Variants in LYRM4 observed in about 807,000 individuals in gnomAD.
LYRM4 encodes the protein LYR motif containing 4, also known as LYR motif-containing protein 4.
Under a neutral mutation model 11.7 loss-of-function variants are expected in LYRM4, and 9 were observed. The observed-to-expected ratio is 0.77, with a 90% CI of 0.46 to 1.34. LYRM4 has a LOEUF of 1.34. LYRM4 is among the 40% of genes most tolerant of loss of function. The pLI is 0.00. For synonymous variants in LYRM4, 42 were observed against 40.4 expected (o/e 1.04, Z -0.15); for missense variants, 133 against 112.5 (o/e 1.18, Z -0.82).
At chr6:5,072,588 T>C in the LYRM4 span, among the ~76,000 whole-genome samples, 47 of 151,810 alleles carry the variant, frequency 3.1e-4, 1 homozygote, top group Admixed American at 2.4e-3. Flanking sequence ...TTTTTTTTTT[T>C]TTTTTTTAAG....
intron 2 of LYRM4, chr6:5,138,692 G>A (rs1292033251): frequency 2.0e-6 from 3 of 1,523,388 alleles, no homozygotes; most frequent in East Asian, 2.5e-5. Flanking sequence ...ATATCAAGAT[G>A]CAATAGAAAA....
intron 2 of LYRM4, among the ~76,000 whole-genome samples, chr6:5,214,525 G>A (rs1448630010): frequency 3.3e-5 from 5 of 152,214 alleles, no homozygotes; most frequent in Admixed American, 3.3e-4. Flanking sequence ...TTTTGAAAAA[G>A]ATCACTGTGG....
the LYRM4 span, chr6:5,085,887 C>G: frequency 1.3e-6 from 2 of 1,531,300 alleles, no homozygotes; most frequent in Non-Finnish European, 8.7e-7. Context: ...GGGTGCAGTT[C>G]GCGGACACGC....
At chr6:5,242,355 A>G (rs1395160154) in intron 1 of LYRM4, among the ~76,000 whole-genome samples, 3 of 148,608 alleles carry the variant, frequency 2.0e-5, no homozygotes, top group African/African-American at 7.6e-5. Context: ...TACAGGCGTG[A>G]GCCACTGCGC....
chr6:5,135,769 A>T (rs548055395), intron 2 of LYRM4, among the ~76,000 whole-genome samples: 2 of 152,286 alleles, frequency 1.3e-5, no homozygotes, highest in South Asian at 4.1e-4. Flanking sequence ...AAAACACAAC[A>T]TTTATCATTT....
intron 2 of LYRM4, among the ~76,000 whole-genome samples, chr6:5,165,838 C>T (rs112003767): frequency 0.014 from 2,122 of 152,142 alleles, 42 homozygotes; most frequent in African/African-American, 0.046. Flanking sequence ...CCACCGCGCC[C>T]GGCCACAAAT....
chr6:5,242,925 CA>C (rs1763969974), intron 1 of LYRM4, among the ~76,000 whole-genome samples: 1 of 151,290 alleles, frequency 6.6e-6, no homozygotes, highest in East Asian at 2.0e-4. Flanking sequence ...AGGCGCCCGC[CA>C]CCGCGCCCGG....
intron 2 of LYRM4, among the ~76,000 whole-genome samples, chr6:5,112,160 G>A (rs74529482): frequency 2.0e-5 from 3 of 152,284 alleles, no homozygotes; most frequent in African/African-American, 7.2e-5. Flanking sequence ...CGGCACGCTC[G>A]CGAAGCCCGT....
the LYRM4 span, among the ~76,000 whole-genome samples, chr6:5,072,582 T>G: frequency 3.3e-5 from 5 of 151,826 alleles, no homozygotes; most frequent in African/African-American, 1.2e-4. Context: ...CAAAGTTTTT[T>G]TTTTTTTTTT....
intron 2 of LYRM4, among the ~76,000 whole-genome samples, chr6:5,182,402 C>CT (rs751160318): frequency 9.2e-5 from 14 of 152,288 alleles, no homozygotes; most frequent in South Asian, 4.1e-4. Flanking sequence ...TTAGCAACTG[C>CT]TTTTTAAATT....
At chr6:5,197,631 G>A (rs1050086207) in intron 2 of LYRM4, among the ~76,000 whole-genome samples, 2 of 152,094 alleles carry the variant, frequency 1.3e-5, no homozygotes, top group Non-Finnish European at 2.9e-5. Context: ...CCGAGATCAT[G>A]CCACTGCACT....
chr6:5,080,340 T>TGGAACCTG, the LYRM4 span, among the ~76,000 whole-genome samples: 1 of 152,292 alleles, frequency 6.6e-6, no homozygotes, highest in South Asian at 2.1e-4. Flanking sequence ...AAAGTCAGAG[T>TGGAACCTG]GGAACCTGCA....
chr6:5,233,756 C>T (rs1763377387), intron 1 of LYRM4, among the ~76,000 whole-genome samples: 1 of 152,202 alleles, frequency 6.6e-6, no homozygotes, highest in Non-Finnish European at 1.5e-5. Flanking sequence ...CACTACAGGC[C>T]CATGCCACCA....
chr6:5,223,695 T>C (rs1218430998), intron 1 of LYRM4, among the ~76,000 whole-genome samples: 1 of 152,230 alleles, frequency 6.6e-6, no homozygotes. Context: ...GACGAGAGCA[T>C]TTCAAGGGAA....
rs137953418 is a variant in LYRM4, at chr6:5,221,187, G to A, written c.87-4449C>T. Reference sequence around the variant, plus strand: ...CTCATTCTGCTGCCCCTTACATGCTGTATTCTCTAGGGCACATATGTGAAC... The same window carrying A: ...CTCATTCTGCTGCCCCTTACATGCTATATTCTCTAGGGCACATATGTGAAC... On this transcript the variant is annotated intron_variant, in intron 1 of 2. Transcript: ENST00000330636. 2.7e-3 allele frequency among the ~76,000 whole-genome samples: 412 copies of A among 152,190 alleles called. 4 individuals carry two copies. The highest frequency in any genetic ancestry group is 9.6e-3 in the African/African-American group (398 of 41,518).
intron 2 of LYRM4, among the ~76,000 whole-genome samples, chr6:5,123,312 G>A (rs899682279): frequency 6.6e-6 from 1 of 152,194 alleles, no homozygotes; most frequent in African/African-American, 2.4e-5. Flanking sequence ...GGAGAGTGGA[G>A]GTGAGAGAGA....
At chr6:5,172,980 C>A (rs1759516256) in intron 2 of LYRM4, among the ~76,000 whole-genome samples, 1 of 152,142 alleles carries the variant, frequency 6.6e-6, no homozygotes, top group Non-Finnish European at 1.5e-5. Context: ...CCAATAAATC[C>A]ATTTTCTAAT....
the LYRM4 span, among the ~76,000 whole-genome samples, chr6:5,076,817 G>A: frequency 1.6e-3 from 245 of 152,240 alleles, no homozygotes; most frequent in East Asian, 4.6e-3. Context: ...GAGAAGCATC[G>A]ATCTAGTCAC....
At chr6:5,061,437 G>C in the LYRM4 span, among the ~76,000 whole-genome samples, 1 of 152,126 alleles carries the variant, frequency 6.6e-6, no homozygotes, top group Non-Finnish European at 1.5e-5. Context: ...TTTTATACAA[G>C]ATAGTGAACA....
Sources: gnomAD v4.1 joint callset for allele counts (sites outside exome capture counted in the v4.1 genomes callset) on GRCh38, gnomAD v4.1.1 for gene constraint, MANE v1.5 for transcripts, NCBI Gene and HGNC (gene_info 2026-07-23, HGNC 2026-07-21) for gene names.